ADAM32: variants seen among roughly 807,000 people sequenced by gnomAD.
ADAM32 encodes disintegrin and metalloproteinase domain-containing protein 32.
ADAM32 carries 89 observed loss-of-function variants against 114.9 expected under a neutral mutation model. The observed-to-expected ratio is 0.77, with a 90% confidence interval of 0.65 to 0.92. The LOEUF is 0.92. ADAM32 is among the 40% of genes least tolerant of loss of function. The pLI, the probability that ADAM32 is intolerant of heterozygous loss-of-function variation, is 0.00. For synonymous variants in ADAM32, 285 were observed against 307.5 expected (o/e 0.93, Z 0.77); for missense variants, 870 against 932.8 (o/e 0.93, Z 0.88).
At chr8:39,248,558 C>G (rs1398680898) in intron 17 of ADAM32, among the ~76,000 whole-genome samples, 1 of 152,158 alleles carries the variant, frequency 6.6e-6, no homozygotes, top group Non-Finnish European at 1.5e-5. Flanking sequence ...AACCATGCTA[C>G]AATCACTTGT....
intron 17 of ADAM32, among the ~76,000 whole-genome samples, chr8:39,247,562 A>C (rs1472930559): frequency 1.3e-5 from 2 of 151,864 alleles, no homozygotes; most frequent in African/African-American, 4.8e-5. Flanking sequence ...TTGAGTTTTA[A>C]GTTTTCTCTT....
intron 6 of ADAM32, among the ~76,000 whole-genome samples, chr8:39,153,971 T>C (rs1338685086): frequency 2.7e-5 from 4 of 150,636 alleles, no homozygotes; most frequent in Admixed American, 6.6e-5. Context: ...ATATCATCGT[T>C]TGTCTGGACA....
chr8:39,262,513 GTT>G (rs1812100081), intron 19 of ADAM32, among the ~76,000 whole-genome samples: 1 of 151,974 alleles, frequency 6.6e-6, no homozygotes, highest in South Asian at 2.1e-4. Context: ...TCTCAGGATT[GTT>G]TGGCTATTCA....
chr8:39,146,800 G>A (rs1033697678), intron 3 of ADAM32, among the ~76,000 whole-genome samples: 48 of 152,100 alleles, frequency 3.2e-4, no homozygotes, highest in African/African-American at 1.1e-3. Flanking sequence ...TTGAGTAAAC[G>A]TATATTGCTT....
chr8:39,168,157 G>A (rs1017640893), intron 9 of ADAM32: 1 of 152,050 alleles, frequency 6.6e-6, no homozygotes, highest in African/African-American at 2.4e-5. Context: ...ACTGAACAAA[G>A]GAGGACGAAT....
At chr8:39,205,727 G>T (rs1585536710) in intron 11 of ADAM32, among the ~76,000 whole-genome samples, 1 of 152,354 alleles carries the variant, frequency 6.6e-6, no homozygotes, top group Admixed American at 6.5e-5. Flanking sequence ...GCTGTGAGCT[G>T]TAGACTGGAG....
At chr8:39,228,495 A>G (rs909368904) in intron 14 of ADAM32, among the ~76,000 whole-genome samples, 11 of 152,188 alleles carry the variant, frequency 7.2e-5, no homozygotes, top group Non-Finnish European at 1.3e-4. Context: ...AACATAAAAA[A>G]TTCTGGGAAT....
intron 3 of ADAM32, among the ~76,000 whole-genome samples, chr8:39,145,764 C>T (rs1803467513): frequency 6.6e-6 from 1 of 151,990 alleles, no homozygotes; most frequent in South Asian, 2.1e-4. Context: ...CAGGGTCTCT[C>T]TCTGTCACCC....
At position 39,151,378 on chromosome 8, in the gene ADAM32, G is replaced by T; in HGVS notation, c.355G>T (p.Gly119Ter). 1.3e-6 allele frequency: 2 copies of T among 1,583,004 alleles called. No individual in the cohort carries two copies. The highest frequency in any genetic ancestry group is 1.7e-6 in the Non-Finnish European group (2 of 1,168,598). Residue 119 changes from glycine to a stop codon, truncating the protein, a stop_gained and splice_region_variant, in exon 6 of 25, where the codon GGA (glycine) becomes TGA (stop). Coordinates refer to ENST00000379907, the MANE Select transcript of ADAM32 (RefSeq NM_145004.7). LOFTEE classifies it high-confidence loss of function. ...VTLSTCSGLR[G>*]ILQFENVSYG... ...AAAATTGTATTCATAATTTCACAGAGGAATACTGCAATTTGAAAATGTTTC... is the reference window on the plus strand; with the variant it reads ...AAAATTGTATTCATAATTTCACAGATGAATACTGCAATTTGAAAATGTTTC...
intron 16 of ADAM32, among the ~76,000 whole-genome samples, chr8:39,237,884 G>C (rs1307010026): frequency 6.6e-6 from 1 of 152,156 alleles, no homozygotes; most frequent in African/African-American, 2.4e-5. Flanking sequence ...ACTTACCTGG[G>C]TGACCTTAGG....
chr8:39,284,838 C>T lies in ADAM32; in HGVS notation c.*39C>T, dbSNP rs777713119. On this transcript the variant is annotated 3_prime_UTR_variant, in exon 25 of 25. Transcript: ENST00000379907. ...AGGCAACGGATAACATCGAGAGTCT[C>T]GCTAAGAAATGAAAATTCTGTCTTT... 3.7e-6 allele frequency: 6 copies of T among 1,610,358 alleles called. No individual in the cohort carries two copies. The highest frequency in any genetic ancestry group is 2.2e-5 in the East Asian group (1 of 44,840).
intron 1 of ADAM32, among the ~76,000 whole-genome samples, chr8:39,115,044 G>A (rs935679884): frequency 6.6e-5 from 10 of 152,178 alleles, no homozygotes; most frequent in African/African-American, 1.7e-4. Context: ...TGCAAAGGAC[G>A]TGATTTCATT....
intron 9 of ADAM32, chr8:39,166,224 A>G (rs1800571753): frequency 1.3e-5 from 2 of 152,110 alleles, no homozygotes; most frequent in Non-Finnish European, 2.9e-5. Flanking sequence ...CAGTCCCCAC[A>G]GTCCATTGTA....
chr8:39,125,964 A>G (rs929021745), intron 2 of ADAM32, among the ~76,000 whole-genome samples: 14 of 152,142 alleles, frequency 9.2e-5, no homozygotes, highest in African/African-American at 3.1e-4. Flanking sequence ...CAGAGATCAG[A>G]TGGTTGTAGG....
chr8:39,227,955 G>C (rs1170330310), intron 14 of ADAM32, among the ~76,000 whole-genome samples: 2 of 152,210 alleles, frequency 1.3e-5, no homozygotes, highest in Non-Finnish European at 2.9e-5. Context: ...CACCAGAACA[G>C]TCGCTGGTAT....
At chr8:39,138,885 A>G (rs1340417888) in intron 3 of ADAM32, among the ~76,000 whole-genome samples, 1 of 152,202 alleles carries the variant, frequency 6.6e-6, no homozygotes, top group East Asian at 1.9e-4. Flanking sequence ...GTGAGATGGT[A>G]TCTCATTGTG....
At chr8:39,109,671 C>T (rs1433253640) in intron 1 of ADAM32, among the ~76,000 whole-genome samples, 1 of 152,160 alleles carries the variant, frequency 6.6e-6, no homozygotes. Flanking sequence ...ACAGCTTCTC[C>T]CACTATCAAC....
intron 3 of ADAM32, among the ~76,000 whole-genome samples, chr8:39,144,687 A>C (rs1234145599): frequency 2.0e-5 from 3 of 152,214 alleles, no homozygotes; most frequent in African/African-American, 7.2e-5. Flanking sequence ...TGACAAAGCC[A>C]TAGCTAACAT....
chr8:39,114,510 C>T (rs1165034608), intron 1 of ADAM32, among the ~76,000 whole-genome samples: 1 of 152,124 alleles, frequency 6.6e-6, no homozygotes, highest in Non-Finnish European at 1.5e-5. Context: ...CTAGTTCATT[C>T]CTAGGGACTC....
Sources: allele counts gnomAD v4.1 joint callset (sites outside exome capture counted in the v4.1 genomes callset), GRCh38; gene constraint gnomAD v4.1.1; transcripts MANE v1.5; gene names NCBI Gene and HGNC (gene_info 2026-07-23, HGNC 2026-07-21).